ANK1: variants seen among roughly 807,000 people sequenced by gnomAD.
The protein encoded by ANK1 is ankyrin 1.
In ANK1, 51 loss-of-function variants were observed where a neutral mutation model predicts 210.4. The observed-to-expected ratio is 0.24, with a 90% CI of 0.19 to 0.31. ANK1 has a LOEUF of 0.31. Ranked by LOEUF, ANK1 falls within the 10% of genes least tolerant of loss-of-function variation. The pLI is 1.00. For synonymous variants in ANK1, 967 were observed against 1,025.9 expected, an observed-to-expected ratio of 0.94 and a Z score of 1.10; for missense variants, 2,051 against 2,504.4, an observed-to-expected ratio of 0.82 and a Z score of 3.86.
At chr8:41,669,539 C>T (rs1262342725) in intron 38 of ANK1, among the ~76,000 whole-genome samples, 2 of 152,102 alleles carry the variant, frequency 1.3e-5, no homozygotes, top group Non-Finnish European at 2.9e-5. Context: ...CAGGACAGTG[C>T]GATCCAATCC....
At chr8:41,737,044 A>T (rs536730406) in intron 2 of ANK1, among the ~76,000 whole-genome samples, 1 of 152,342 alleles carries the variant, frequency 6.6e-6, no homozygotes, top group Admixed American at 6.5e-5. Context: ...TCACATCTGT[A>T]ATCCCAGCAC....
intron 1 of ANK1, among the ~76,000 whole-genome samples, chr8:41,821,038 T>C (rs1804179107): frequency 3.3e-5 from 5 of 152,226 alleles, no homozygotes; most frequent in African/African-American, 9.7e-5. Context: ...CCTTTACAGA[T>C]GCAAATTTCT....
chr8:41,728,037 G>A (rs1417211687), intron 3 of ANK1, 31 bp from the exon 4 acceptor site: 6 of 1,608,092 alleles, frequency 3.7e-6, no homozygotes, highest in South Asian at 2.2e-5. Flanking sequence ...GAACAGAGGC[G>A]GTTTCCCACT....
At chr8:41,754,446 T>C (rs1838569654) in intron 2 of ANK1, among the ~76,000 whole-genome samples, 1 of 152,198 alleles carries the variant, frequency 6.6e-6, no homozygotes. Context: ...AGTTCCTCTT[T>C]CCACGCTACT....
chr8:41,873,158 T>G (rs573029837), intron 1 of ANK1, among the ~76,000 whole-genome samples: 9 of 152,356 alleles, frequency 5.9e-5, no homozygotes, highest in African/African-American at 2.2e-4. Flanking sequence ...TTTAAAAGAT[T>G]TGATGGATTT....
At chr8:41,701,168 T>A (rs73675109) in intron 22 of ANK1, among the ~76,000 whole-genome samples, 5,220 of 152,342 alleles carry the variant, frequency 0.034, 117 homozygotes, top group African/African-American at 0.05. Context: ...AGATTTTGAA[T>A]AATCCACTTA....
At chr8:41,830,760 T>G (rs1255640570) in intron 1 of ANK1, among the ~76,000 whole-genome samples, 1 of 152,212 alleles carries the variant, frequency 6.6e-6, no homozygotes, top group African/African-American at 2.4e-5. Context: ...CTGTGTCGGT[T>G]CTGCTTGAAA....
chr8:41,779,492 G>C (rs1349690032), intron 1 of ANK1, among the ~76,000 whole-genome samples: 1 of 151,980 alleles, frequency 6.6e-6, no homozygotes, highest in Non-Finnish European at 1.5e-5. Flanking sequence ...GGCCTCAAGT[G>C]ATCTTCTTGC....
intron 1 of ANK1, among the ~76,000 whole-genome samples, chr8:41,862,351 C>T (rs1411403931): frequency 6.6e-6 from 1 of 152,130 alleles, no homozygotes; most frequent in Non-Finnish European, 1.5e-5. Context: ...AGCTGAAATG[C>T]AGGTGCATTG....
chr8:41,798,684 A>G (rs911132811), upstream of ANK1, among the ~76,000 whole-genome samples: 1 of 152,148 alleles, frequency 6.6e-6, no homozygotes, highest in African/African-American at 2.4e-5. Context: ...GGCCAGGGGC[A>G]TGGCAGCCTC....
At chr8:41,749,123 T>C (rs1336291235) in intron 2 of ANK1, among the ~76,000 whole-genome samples, 1 of 152,154 alleles carries the variant, frequency 6.6e-6, no homozygotes, top group East Asian at 1.9e-4. Flanking sequence ...ACTGAATTTG[T>C]AATCTTTTAT....
chr8:41,719,544 G>C, intron 10 of ANK1, 117 bp downstream of exon 10: 1 of 1,374,516 alleles, frequency 7.3e-7, no homozygotes, highest in South Asian at 1.2e-5. Context: ...CTCAGGCCTC[G>C]AATCTGGGGA....
At chr8:41,675,130 G>A (rs943073059) in intron 37 of ANK1, among the ~76,000 whole-genome samples, 7 of 152,192 alleles carry the variant, frequency 4.6e-5, no homozygotes, top group Non-Finnish European at 8.8e-5. Context: ...TTGCTCTGTT[G>A]CCCAGGCTGG....
At chr8:41,667,878 A>C (rs1445165133) in intron 39 of ANK1, among the ~76,000 whole-genome samples, 1 of 152,212 alleles carries the variant, frequency 6.6e-6, no homozygotes, top group African/African-American at 2.4e-5. Context: ...CACCCAGGTC[A>C]CCATAGGAGG....
At chr8:41,707,788 A>AAAAATGTGCCAGATTTTGTAC (rs1252119501) in intron 17 of ANK1, among the ~76,000 whole-genome samples, 2 of 152,278 alleles carry the variant, frequency 1.3e-5, no homozygotes, top group East Asian at 3.9e-4. Context: ...CAAATTTGTA[A>AAAAATGTGCCAGATTTTGTAC]AAAATGTGCC....
upstream of ANK1, among the ~76,000 whole-genome samples, chr8:41,801,749 A>G (rs2150776646): frequency 6.6e-6 from 1 of 152,292 alleles, no homozygotes; most frequent in Non-Finnish European, 1.5e-5. Context: ...AGTTCTCTGC[A>G]GTCTGAATAC....
At chr8:41,736,506 GTGGCTGTCGGCA>G (rs1833448630) in intron 2 of ANK1, among the ~76,000 whole-genome samples, 1 of 152,234 alleles carries the variant, frequency 6.6e-6, no homozygotes, top group South Asian at 2.1e-4. Context: ...GTTGGTGTTT[GTGGCTGTCGGCA>G]TGGCTGGAGT....
intron 1 of ANK1, among the ~76,000 whole-genome samples, chr8:41,833,477 C>T (rs1468263150): frequency 6.6e-6 from 1 of 152,214 alleles, no homozygotes; most frequent in Non-Finnish European, 1.5e-5. Flanking sequence ...AGATGCTAAG[C>T]AGCTGGTCTC....
rs1213266968 is a variant in ANK1 at position 41,701,446 on chromosome 8, G to A, written c.2461+104C>T. The stretch of plus-strand genomic sequence containing the variant: ...TTCAGTGTCCATCTATAGTGCTTGG[G>A]CGTGTTGTAAGGGGACAAAGCCGGC... On this transcript the variant is annotated intron_variant, in intron 22 of 42. Transcript: ENST00000289734. 5 of 994,034 alleles carry A rather than the reference G, an allele frequency of 5.0e-6. No homozygotes were observed. In the Admixed American group the frequency reaches 6.9e-5, roughly 14 times the overall value. 61.6% of individuals were successfully genotyped at this position (994,034 alleles called of 1,614,324 possible).
Sources: gnomAD v4.1 joint callset for allele counts (sites outside exome capture counted in the v4.1 genomes callset) on GRCh38, gnomAD v4.1.1 for gene constraint, MANE v1.5 for transcripts, NCBI Gene and HGNC (gene_info 2026-07-23, HGNC 2026-07-21) for gene names.